TFDP2: variants seen among roughly 807,000 people sequenced by gnomAD.
TFDP2 encodes the protein transcription factor Dp-2 (E2F dimerization partner 2).
TFDP2 carries 17 observed loss-of-function variants against 59.3 expected under a neutral mutation model. The observed-to-expected ratio is 0.29, with a 90% CI of 0.20 to 0.43. The LOEUF (loss-of-function observed/expected upper bound fraction) is 0.43. TFDP2 is among the 20% of genes least tolerant of loss of function. TFDP2 has a pLI of 1.00. For missense variants in TFDP2, 391 were observed against 528.8 expected, an observed-to-expected ratio of 0.74 and a Z score of 2.56; for synonymous variants, 180 against 194.7, an observed-to-expected ratio of 0.92 and a Z score of 0.63.
chr3:141,996,974 G>A (rs1293448816), intron 4 of TFDP2, among the ~76,000 whole-genome samples: 2 of 152,194 alleles, frequency 1.3e-5, no homozygotes, highest in African/African-American at 4.8e-5. Context: ...TTTGCCTCAT[G>A]AGAAAACATA....
chr3:142,015,480 T>A (rs1007860605), intron 3 of TFDP2, among the ~76,000 whole-genome samples: 1 of 152,202 alleles, frequency 6.6e-6, no homozygotes, highest in African/African-American at 2.4e-5. Context: ...CTGAAAAGAT[T>A]ACTGTTGAGA....
intron 1 of TFDP2, among the ~76,000 whole-genome samples, chr3:142,133,808 T>C (rs950089328): frequency 1.3e-5 from 2 of 152,002 alleles, no homozygotes; most frequent in South Asian, 2.1e-4. Flanking sequence ...TCAAAAGTGT[T>C]CTGGTTTTGT....
intron 3 of TFDP2, among the ~76,000 whole-genome samples, chr3:142,045,379 C>T (rs1030968509): frequency 2.6e-5 from 4 of 152,172 alleles, no homozygotes; most frequent in Middle Eastern, 3.4e-3. Flanking sequence ...AAGCTGGTCT[C>T]GAATTCCTGA....
In TFDP2 at chr3:142,120,405, T is replaced by C. The variant is rs76849637; in HGVS notation, c.-92-18564A>G. On this transcript the variant is annotated intron_variant, in intron 1 of 12. Coordinates refer to ENST00000489671, the MANE Select transcript of TFDP2 (RefSeq NM_001178139.2). ...AAGAAAACATATCAATGATATAGTG[T>C]TACGTTTTCTTAACAGATAAATGCA... Among the ~76,000 whole-genome samples, 851 of 152,244 alleles carry C rather than the reference T, an allele frequency of 5.6e-3. 4 individuals are homozygous for C. Among genetic ancestry groups the C allele is most frequent in the Admixed American group, 9.1e-3 (139 of 15,282 alleles).
intron 3 of TFDP2, among the ~76,000 whole-genome samples, chr3:142,032,821 T>C (rs1946499035): frequency 6.6e-6 from 1 of 152,162 alleles, no homozygotes; most frequent in African/African-American, 2.4e-5. Context: ...ATGAGAAATA[T>C]AACTTCTGAT....
chr3:142,068,003 T>TAAAA, intron 3 of TFDP2, among the ~76,000 whole-genome samples: 1 of 115,886 alleles, frequency 8.6e-6, no homozygotes, highest in African/African-American at 3.2e-5. Flanking sequence ...GACTCTAGCT[T>TAAAA]AAAAAAAAAA....
chr3:142,050,796 T>TG (rs1227056927), intron 3 of TFDP2, among the ~76,000 whole-genome samples: 2 of 151,258 alleles, frequency 1.3e-5, no homozygotes, highest in African/African-American at 4.9e-5. Context: ...TGCAATGAGC[T>TG]GAAATCACTC....
intron 8 of TFDP2, among the ~76,000 whole-genome samples, chr3:141,972,548 C>G (rs1939922280): frequency 6.6e-6 from 1 of 152,182 alleles, no homozygotes; most frequent in African/African-American, 2.4e-5. Flanking sequence ...CTTTCTCATG[C>G]CTGTCTCAGC....
At chr3:142,081,211 C>A (rs571755600) in intron 3 of TFDP2, among the ~76,000 whole-genome samples, 1 of 151,978 alleles carries the variant, frequency 6.6e-6, no homozygotes, top group South Asian at 2.1e-4. Context: ...GATATGGAAA[C>A]TGAACAATAT....
chr3:141,952,696 A>ACT lies in TFDP2; in HGVS notation c.1158-2_1158-1dup (p.Ser386ArgfsTer3). On this transcript the variant is annotated frameshift_variant and splice_region_variant. Transcript: ENST00000489671. LOFTEE classifies it high-confidence loss of function. Reference sequence around the variant, plus strand: ...CATCCAAGCATAACCCTTGGTTTACACTAGCAAACAATTAAAAACACACAG... The same window carrying ACT: ...CATCCAAGCATAACCCTTGGTTTACACTCTAGCAAACAATTAAAAACACACAG... 6.2e-7 allele frequency: 1 copy of ACT among 1,608,884 alleles called. No individual in the cohort carries two copies. Among genetic ancestry groups the ACT allele is most frequent in the Non-Finnish European group, 8.5e-7 (1 of 1,178,838 alleles).
intron 3 of TFDP2, among the ~76,000 whole-genome samples, chr3:142,026,169 C>T (rs948857410): frequency 6.6e-6 from 1 of 152,058 alleles, no homozygotes; most frequent in African/African-American, 2.4e-5. Flanking sequence ...TCCTGGCTAA[C>T]ATGATGAAAC....
intron 3 of TFDP2, among the ~76,000 whole-genome samples, chr3:142,091,950 C>A (rs932506838): frequency 7.9e-5 from 12 of 152,154 alleles, no homozygotes; most frequent in African/African-American, 2.9e-4. Flanking sequence ...GTACGTCTCC[C>A]ACCTTAGACA....
chr3:142,069,584 TG>T (rs762682983), intron 3 of TFDP2, among the ~76,000 whole-genome samples: 9 of 152,084 alleles, frequency 5.9e-5, no homozygotes, highest in Non-Finnish European at 1.3e-4. Flanking sequence ...TTGACAAGAG[TG>T]TTTTTGTCAA....
intron 3 of TFDP2, among the ~76,000 whole-genome samples, chr3:142,072,416 G>C (rs1172230311): frequency 6.6e-6 from 1 of 152,130 alleles, no homozygotes; most frequent in Admixed American, 6.6e-5. Context: ...GAAAGACTAA[G>C]AAAATGTAGT....
At chr3:141,963,736 C>G (rs1393497967) in intron 10 of TFDP2, 76 bp downstream of exon 10, 1 of 1,500,098 alleles carries the variant, frequency 6.7e-7, no homozygotes, top group African/African-American at 1.4e-5. Context: ...TAAAGTGCAT[C>G]CTTCTTGAGT....
chr3:141,998,548 C>T (rs1366785272), intron 4 of TFDP2, among the ~76,000 whole-genome samples: 7 of 152,048 alleles, frequency 4.6e-5, no homozygotes, highest in African/African-American at 7.2e-5. Flanking sequence ...ACCTGGGAAG[C>T]GGAGGCTGCA....
intron 1 of TFDP2, among the ~76,000 whole-genome samples, chr3:142,106,686 A>G (rs2061483614): frequency 6.6e-6 from 1 of 152,188 alleles, no homozygotes; most frequent in Admixed American, 6.5e-5. Context: ...AGTTAAAAAA[A>G]TAAGTTGGAT....
At chr3:142,039,639 G>A (rs375272267) in intron 3 of TFDP2, among the ~76,000 whole-genome samples, 3 of 152,296 alleles carry the variant, frequency 2.0e-5, no homozygotes, top group Admixed American at 6.5e-5. Context: ...GGCAGATTAA[G>A]TACCACCCCT....
rs576700350 is a variant in TFDP2, at chr3:141,948,402, G to A, written c.*4111C>T. 3 of 152,162 alleles carry A rather than the reference G, an allele frequency of 2.0e-5. No homozygotes were observed. Among genetic ancestry groups the A allele is most frequent in the African/African-American group, 7.2e-5 (3 of 41,400 alleles). The allele number at this position is 152,162 out of a possible 1,614,324, so 9.4% of individuals were successfully genotyped here. On this transcript the variant is annotated 3_prime_UTR_variant, in exon 13 of 13. Coordinates refer to ENST00000489671, the MANE Select transcript of TFDP2 (RefSeq NM_001178139.2). ...ACTAAAAATACAAAAAATTAGTCGG[G>A]TGTGGCGGCATGCGCCTATAATCCC...
Sources: allele counts gnomAD v4.1 joint callset (sites outside exome capture counted in the v4.1 genomes callset), GRCh38; gene constraint gnomAD v4.1.1; transcripts MANE v1.5; gene names NCBI Gene and HGNC (gene_info 2026-07-23, HGNC 2026-07-21).